Variants in PDZRN3 observed in about 807,000 individuals in gnomAD.
PDZRN3 encodes the protein E3 ubiquitin-protein ligase PDZRN3.
A neutral mutation model predicts 85.7 loss-of-function variants in PDZRN3; 38 were observed. The observed-to-expected ratio is 0.44, with a 90% confidence interval of 0.34 to 0.58. The LOEUF is 0.58. Among genes scored for constraint, PDZRN3 ranks in the 20% least tolerant of loss-of-function variants. The pLI, the probability that PDZRN3 is intolerant of heterozygous loss-of-function variation, is 0.01. For synonymous variants in PDZRN3, 759 were observed against 638.0 expected (o/e 1.19, Z -2.86); for missense variants, 1,629 against 1,506.4 (o/e 1.08, Z -1.35).
At chr3:73,459,558 T>C (rs1365453763) in intron 3 of PDZRN3, among the ~76,000 whole-genome samples, 1 of 152,202 alleles carries the variant, frequency 6.6e-6, no homozygotes, top group Non-Finnish European at 1.5e-5. Flanking sequence ...TTTGTGTCCA[T>C]GAGTTCTCAT....
chr3:73,555,681 T>C (rs759530724), intron 3 of PDZRN3, among the ~76,000 whole-genome samples: 13 of 152,114 alleles, frequency 8.5e-5, no homozygotes, highest in Non-Finnish European at 1.8e-4. Context: ...ACCCAGTGAA[T>C]TTAACAGCAG....
intron 5 of PDZRN3, among the ~76,000 whole-genome samples, chr3:73,397,370 T>C (rs1221378259): frequency 6.6e-6 from 1 of 152,200 alleles, no homozygotes; most frequent in Non-Finnish European, 1.5e-5. Context: ...CTTACTTAAA[T>C]AACAGCCTGA....
intron 3 of PDZRN3, among the ~76,000 whole-genome samples, chr3:73,549,937 C>A (rs1242004541): frequency 2.0e-5 from 3 of 152,184 alleles, no homozygotes; most frequent in African/African-American, 7.2e-5. Context: ...AACTTCTCAC[C>A]TGCCTCTAAT....
chr3:73,612,797 T>C (rs114957286), intron 1 of PDZRN3, among the ~76,000 whole-genome samples: 2,980 of 152,286 alleles, frequency 0.02, 110 homozygotes, highest in African/African-American at 0.069. Context: ...AAGGGAATGA[T>C]AATGGTTCCT....
chr3:73,491,935 C>A (rs955530622), intron 3 of PDZRN3, among the ~76,000 whole-genome samples: 7 of 151,948 alleles, frequency 4.6e-5, no homozygotes, highest in African/African-American at 1.7e-4. Context: ...GCAGGGTTCA[C>A]ACGTCTCAGG....
intron 3 of PDZRN3, among the ~76,000 whole-genome samples, chr3:73,438,957 T>C (rs558938250): frequency 4.6e-5 from 7 of 152,246 alleles, no homozygotes; most frequent in Non-Finnish European, 8.8e-5. Context: ...ACATAGGCCA[T>C]GACCTCTGCC....
At chr3:73,614,494 A>C (rs1213772824) in intron 1 of PDZRN3, among the ~76,000 whole-genome samples, 1 of 152,164 alleles carries the variant, frequency 6.6e-6, no homozygotes, top group East Asian at 1.9e-4. Flanking sequence ...CTGTTGTGGG[A>C]CTCACAGCAG....
chr3:73,448,652 C>G (rs1489015565), intron 3 of PDZRN3, among the ~76,000 whole-genome samples: 1 of 152,090 alleles, frequency 6.6e-6, no homozygotes. Flanking sequence ...TTAATAGAAG[C>G]TTCACAAGTG....
chr3:73,499,894 C>G (rs774513590), intron 3 of PDZRN3, among the ~76,000 whole-genome samples: 2 of 152,116 alleles, frequency 1.3e-5, no homozygotes, highest in Non-Finnish European at 2.9e-5. Context: ...TGAAATGAGT[C>G]AACATACAGA....
chr3:73,423,271 T>A (rs1389591944), intron 3 of PDZRN3, among the ~76,000 whole-genome samples: 4 of 152,230 alleles, frequency 2.6e-5, no homozygotes, highest in Non-Finnish European at 4.4e-5. Context: ...TTTTACTTTA[T>A]TAAAGTGCAT....
rs1575770292 is a variant in PDZRN3, at chr3:73,624,858, C to G, written c.-33G>C. 11 of 1,266,450 alleles carry G rather than the reference C, an allele frequency of 8.7e-6. No individual in the cohort carries two copies. The South Asian group carries it at 1.7e-4, about 20-fold the overall frequency. The allele number at this position is 1,266,450 out of a possible 1,614,324, so 78.5% of individuals were successfully genotyped here. A position where few individuals can be genotyped will look rare whatever the true frequency, so the allele number is the denominator to read the frequency against. ...GCCAGGCCCCGGGGTCGCCGCCGGG[C>G]GGCCGGGCGCCCCCTCCCTCCCCAC... On this transcript the variant is annotated 5_prime_UTR_variant, in exon 1 of 10. Coordinates refer to ENST00000263666, the MANE Select transcript of PDZRN3 (RefSeq NM_015009.3).
chr3:73,565,946 T>C (rs1223893587), intron 3 of PDZRN3, among the ~76,000 whole-genome samples: 1 of 152,124 alleles, frequency 6.6e-6, no homozygotes, highest in Non-Finnish European at 1.5e-5. Context: ...GATTTTTATG[T>C]CAAAGACATG....
At chr3:73,463,922 C>T (rs537924153) in intron 3 of PDZRN3, among the ~76,000 whole-genome samples, 3 of 152,224 alleles carry the variant, frequency 2.0e-5, no homozygotes, top group African/African-American at 7.2e-5. Flanking sequence ...ACCTGCACAT[C>T]CTGCACGTTA....
chr3:73,518,567 C>T (rs1704294997), intron 3 of PDZRN3, among the ~76,000 whole-genome samples: 1 of 151,866 alleles, frequency 6.6e-6, no homozygotes, highest in African/African-American at 2.4e-5. Flanking sequence ...TGAGGTATAC[C>T]TACTTTCTCA....
At chr3:73,574,461 G>GT (rs1702090181) in intron 3 of PDZRN3, among the ~76,000 whole-genome samples, 1 of 140,196 alleles carries the variant, frequency 7.1e-6, no homozygotes, top group Non-Finnish European at 1.5e-5. Flanking sequence ...CTGGGGTGGG[G>GT]GGGGTGGGGA....
chr3:73,449,200 G>C (rs1702809755), intron 3 of PDZRN3, among the ~76,000 whole-genome samples: 1 of 152,152 alleles, frequency 6.6e-6, no homozygotes, highest in African/African-American at 2.4e-5. Context: ...AGGCAGGACA[G>C]AGCCTTGGGA....
rs148230849 is a variant in PDZRN3 at position 73,478,770 on chromosome 3, T to C, written c.919-74375A>G. On this transcript the variant is annotated intron_variant, in intron 3 of 9. Transcript: ENST00000263666. ...GTAATAGTTGTAGAATTTTAAACTG[T>C]CAAAAGAAAGGTCCAGTTCTCTGAA... 6.2e-3 allele frequency among the ~76,000 whole-genome samples: 946 copies of C among 152,284 alleles called. 13 individuals carry two copies. Among genetic ancestry groups the C allele is most frequent in the African/African-American group, 0.022 (898 of 41,560 alleles).
At chr3:73,404,659 A>G (rs545591127) in intron 3 of PDZRN3, 8 of 395,096 alleles carry the variant, frequency 2.0e-5, no homozygotes, top group South Asian at 9.5e-5. Flanking sequence ...CTTTAACACA[A>G]TTTCATCACT....
chr3:73,442,634 C>T (rs1485653297), intron 3 of PDZRN3, among the ~76,000 whole-genome samples: 3 of 151,356 alleles, frequency 2.0e-5, no homozygotes, highest in Non-Finnish European at 4.4e-5. Context: ...GTTGTGGTGT[C>T]TTTAACATTT....
Sources: allele counts gnomAD v4.1 joint callset (sites outside exome capture counted in the v4.1 genomes callset), GRCh38; gene constraint gnomAD v4.1.1; transcripts MANE v1.5; gene names NCBI Gene and HGNC (gene_info 2026-07-23, HGNC 2026-07-21).